Variants in PTPN4 observed in about 807,000 individuals in gnomAD.
PTPN4 encodes the protein tyrosine-protein phosphatase non-receptor type 4.
In PTPN4, 49 loss-of-function variants were observed where a neutral mutation model predicts 135.5. The observed-to-expected ratio is 0.36, with a 90% confidence interval of 0.29 to 0.46. The LOEUF (loss-of-function observed/expected upper bound fraction) is 0.46, where lower values mean the gene tolerates loss of function less well. Ranked by LOEUF, PTPN4 falls within the 20% of genes least tolerant of loss-of-function variation. PTPN4 has a pLI of 1.00. For synonymous variants in PTPN4, 333 were observed against 369.9 expected (o/e 0.90, Z 1.14); for missense variants, 860 against 1,101.0 (o/e 0.78, Z 3.10).
intron 10 of PTPN4, 110 bp from the exon 11 acceptor site, chr2:119,915,069 T>A: frequency 3.3e-6 from 3 of 905,506 alleles, no homozygotes; most frequent in Non-Finnish European, 4.7e-6. Context: ...TATGTATATA[T>A]GATAAAATGT....
At chr2:119,958,859 G>A (rs964956244) in intron 22 of PTPN4, among the ~76,000 whole-genome samples, 1 of 152,114 alleles carries the variant, frequency 6.6e-6, no homozygotes, top group African/African-American at 2.4e-5. Context: ...TTTTCTCCAT[G>A]AGGTATATCA....
At chr2:119,934,349 T>G (rs1003306264) in intron 14 of PTPN4, among the ~76,000 whole-genome samples, 2 of 152,202 alleles carry the variant, frequency 1.3e-5, no homozygotes, top group Non-Finnish European at 2.9e-5. Flanking sequence ...ATAACACTAC[T>G]TTGTGTGACT....
chr2:119,866,261 A>T (rs1439081486), intron 3 of PTPN4, among the ~76,000 whole-genome samples: 1 of 152,014 alleles, frequency 6.6e-6, no homozygotes, highest in African/African-American at 2.4e-5. Flanking sequence ...TTCTTTCCCT[A>T]TTAAATTGAA....
intron 10 of PTPN4, among the ~76,000 whole-genome samples, chr2:119,909,984 T>C (rs1459254279): frequency 1.3e-5 from 2 of 152,172 alleles, no homozygotes; most frequent in Non-Finnish European, 2.9e-5. Flanking sequence ...AAAGTGATTT[T>C]TTGAGATGGA....
chr2:119,967,797 A>G lies in PTPN4; in HGVS notation c.2559-40A>G, dbSNP rs772267608. The G allele has an allele frequency of 2.6e-6, 4 of 1,510,394 alleles. No individual in the cohort carries two copies. In the Admixed American group the frequency reaches 7.7e-5, roughly 29 times the overall value. The allele number at this position is 1,510,394 out of a possible 1,614,324, so 93.6% of individuals were successfully genotyped here. ...CAAAAGCCACAAGTAGTTTAACAGA[A>G]TAGTATCGGTAAGATCTTGCCTATA... On this transcript the variant is annotated intron_variant, in intron 25 of 26. Coordinates refer to ENST00000263708, the MANE Select transcript of PTPN4 (RefSeq NM_002830.4).
chr2:119,799,492 C>T (rs771070627), intron 1 of PTPN4, among the ~76,000 whole-genome samples: 1 of 152,154 alleles, frequency 6.6e-6, no homozygotes, highest in African/African-American at 2.4e-5. Context: ...AAGGGAAATA[C>T]TAGACATGGT....
chr2:119,844,562 C>T, intron 2 of PTPN4, among the ~76,000 whole-genome samples: 1 of 149,924 alleles, frequency 6.7e-6, no homozygotes, highest in Non-Finnish European at 1.5e-5. Context: ...AGACGCTCCT[C>T]ACCTCCCAGA....
At chr2:119,797,856 TG>T (rs1691291255) in intron 1 of PTPN4, among the ~76,000 whole-genome samples, 1 of 152,198 alleles carries the variant, frequency 6.6e-6, no homozygotes. Context: ...TCCCCAGTCA[TG>T]GTGTGCATTT....
At chr2:119,794,311 C>T (rs1486994496) in intron 1 of PTPN4, among the ~76,000 whole-genome samples, 1 of 152,190 alleles carries the variant, frequency 6.6e-6, no homozygotes, top group Non-Finnish European at 1.5e-5. Context: ...TTGTTCTGGC[C>T]TGCTGGGCTT....
chr2:119,871,235 T>A (rs1302294308), intron 3 of PTPN4, among the ~76,000 whole-genome samples: 2 of 150,804 alleles, frequency 1.3e-5, no homozygotes, highest in African/African-American at 4.9e-5. Context: ...AAATGTGCAT[T>A]CTCAAGACAG....
intron 5 of PTPN4, 77 bp from the exon 6 acceptor site, chr2:119,881,705 TAATG>T: frequency 1.1e-6 from 1 of 903,038 alleles, no homozygotes; most frequent in Admixed American, 2.9e-5. Flanking sequence ...GTTTATTTGT[TAATG>T]TAAGTATACA....
intron 2 of PTPN4, among the ~76,000 whole-genome samples, chr2:119,851,114 A>G (rs185844018): frequency 6.6e-6 from 1 of 152,260 alleles, no homozygotes; most frequent in Admixed American, 6.5e-5. Context: ...AATTATTCTT[A>G]ATTCTCATCT....
chr2:119,781,933 T>C (rs1365772896), intron 1 of PTPN4, among the ~76,000 whole-genome samples: 1 of 152,214 alleles, frequency 6.6e-6, no homozygotes, highest in Non-Finnish European at 1.5e-5. Context: ...ATGCTTTTTT[T>C]CCTGCGTGAT....
At chr2:119,782,888 T>G (rs1426245862) in intron 1 of PTPN4, among the ~76,000 whole-genome samples, 1 of 147,958 alleles carries the variant, frequency 6.8e-6, no homozygotes, top group African/African-American at 2.5e-5. Flanking sequence ...AAAAAAAATG[T>G]GTAGAGACAG....
intron 5 of PTPN4, among the ~76,000 whole-genome samples, chr2:119,878,110 C>G (rs536837202): frequency 6.6e-6 from 1 of 152,234 alleles, no homozygotes; most frequent in South Asian, 2.1e-4. Flanking sequence ...CCACTTGACT[C>G]TCCATTTTAA....
chr2:119,929,731 T>A (rs1377368058), intron 13 of PTPN4, among the ~76,000 whole-genome samples: 1 of 152,108 alleles, frequency 6.6e-6, no homozygotes, highest in East Asian at 1.9e-4. Context: ...AGGTTAAAAC[T>A]GTTAATAAAA....
chr2:119,865,501 T>A (rs1325843255), intron 3 of PTPN4, among the ~76,000 whole-genome samples: 1 of 152,080 alleles, frequency 6.6e-6, no homozygotes. Context: ...AGAAAGGACT[T>A]GAACTCAGAT....
chr2:119,867,002 A>T (rs1677842908), intron 3 of PTPN4, among the ~76,000 whole-genome samples: 2 of 152,152 alleles, frequency 1.3e-5, no homozygotes, highest in Admixed American at 6.5e-5. Flanking sequence ...TGGGGTGCAC[A>T]GAAGTGTTTA....
At chr2:119,783,449 AAT>A (rs1690983855) in intron 1 of PTPN4, among the ~76,000 whole-genome samples, 1 of 152,224 alleles carries the variant, frequency 6.6e-6, no homozygotes, top group Non-Finnish European at 1.5e-5. Context: ...TTGCGGAAAT[AAT>A]ATATTGAGTG....
Sources: gnomAD v4.1 joint callset for allele counts (sites outside exome capture counted in the v4.1 genomes callset) on GRCh38, gnomAD v4.1.1 for gene constraint, MANE v1.5 for transcripts, NCBI Gene and HGNC (gene_info 2026-07-23, HGNC 2026-07-21) for gene names.